ALPK2: variants seen among roughly 807,000 people sequenced by gnomAD.
ALPK2 encodes the protein alpha kinase 2.
Under a neutral mutation model 163.1 loss-of-function variants are expected in ALPK2, and 127 were observed. That is an observed-to-expected ratio of 0.78 (90% CI 0.67 to 0.90). The LOEUF is 0.90. Ranked by LOEUF, ALPK2 falls within the 40% of genes least tolerant of loss-of-function variation. The pLI, the probability that ALPK2 is intolerant of heterozygous loss-of-function variation, is 0.00. For missense variants in ALPK2, 2,360 were observed against 2,589.6 expected, an observed-to-expected ratio of 0.91 and a Z score of 1.92; for synonymous variants, 953 against 959.1, an observed-to-expected ratio of 0.99 and a Z score of 0.12.
intron 3 of ALPK2, among the ~76,000 whole-genome samples, chr18:58,600,092 A>G (rs1456142154): frequency 8.1e-6 from 1 of 123,232 alleles, no homozygotes; most frequent in Non-Finnish European, 1.6e-5. Context: ...GCTGGAGTGC[A>G]GTGGCATGAT....
chr18:58,508,857 G>A (rs974619298), intron 10 of ALPK2, among the ~76,000 whole-genome samples: 8 of 151,652 alleles, frequency 5.3e-5, no homozygotes, highest in East Asian at 1.9e-4. Flanking sequence ...ACCCCTTTCC[G>A]GTAACAGCTC....
intron 4 of ALPK2, among the ~76,000 whole-genome samples, chr18:58,576,413 A>C (rs528637895): frequency 3.3e-5 from 5 of 152,210 alleles, no homozygotes; most frequent in African/African-American, 1.2e-4. Context: ...ATTTATTGCT[A>C]TGACTACCAA....
intron 4 of ALPK2, among the ~76,000 whole-genome samples, chr18:58,548,764 G>A (rs1602212398): frequency 6.6e-6 from 1 of 152,136 alleles, no homozygotes; most frequent in Non-Finnish European, 1.5e-5. Flanking sequence ...TATTGAGATC[G>A]CTGAGAGGGA....
chr18:58,576,618 C>T (rs1419352381), intron 4 of ALPK2, among the ~76,000 whole-genome samples: 1 of 152,164 alleles, frequency 6.6e-6, no homozygotes, highest in Non-Finnish European at 1.5e-5. Context: ...TGATAGTTAG[C>T]CACTTGCTGT....
At chr18:58,612,753 C>T (rs4940731) in intron 1 of ALPK2, among the ~76,000 whole-genome samples, 84,435 of 152,118 alleles carry the variant, frequency 0.56, 24,265 homozygotes, top group East Asian at 0.87. Flanking sequence ...CTACCGCTAC[C>T]GGCAGATACA....
intron 1 of ALPK2, among the ~76,000 whole-genome samples, chr18:58,625,186 GA>G (rs200263154): frequency 0.011 from 1,496 of 137,854 alleles, 12 homozygotes; most frequent in South Asian, 0.043. Context: ...ACCCTCAGCT[GA>G]AAAAAAAAAA....
At chr18:58,497,250 TC>T (rs2051405365) in intron 12 of ALPK2, among the ~76,000 whole-genome samples, 1 of 152,142 alleles carries the variant, frequency 6.6e-6, no homozygotes, top group Non-Finnish European at 1.5e-5. Flanking sequence ...ATAGAAGCCA[TC>T]CCCTCCAAAA....
At chr18:58,567,357 C>T (rs1030620158) in intron 4 of ALPK2, among the ~76,000 whole-genome samples, 1 of 152,012 alleles carries the variant, frequency 6.6e-6, no homozygotes, top group East Asian at 1.9e-4. Context: ...GCAGTCCAGC[C>T]TGGGTGACAG....
chr18:58,623,680 G>A (rs1239682570), intron 1 of ALPK2, among the ~76,000 whole-genome samples: 1 of 152,160 alleles, frequency 6.6e-6, no homozygotes, highest in Non-Finnish European at 1.5e-5. Flanking sequence ...TGGCCAGGCT[G>A]GTCTCAAACT....
At position 58,537,618 on chromosome 18, in the gene ALPK2, C is replaced by T. The variant is rs946162579; in HGVS notation, c.2569G>A (p.Asp857Asn). The T allele has an allele frequency of 4.3e-6, 7 of 1,613,426 alleles. No individual in the cohort carries two copies. In the African/African-American group the frequency reaches 5.3e-5, roughly 12 times the overall value. Residue 857 changes from aspartate (D) to asparagine (N), a missense_variant, in exon 5 of 13, where the codon GAC becomes AAC. By Grantham distance (23) the Asp-to-Asn change is conservative. Coordinates refer to ENST00000361673, the MANE Select transcript of ALPK2 (RefSeq NM_052947.4). The part of the protein sequence containing the change: ...NKVSDLCSSN[D>N]KTLEVFFQTQ... ...TGAAAAAAGACTTCCAGTGTCTTGT[C>T]ATTAGAAGAACATAAATCAGATACT...
intron 5 of ALPK2, among the ~76,000 whole-genome samples, chr18:58,532,350 C>T (rs2051620661): frequency 6.6e-6 from 1 of 152,158 alleles, no homozygotes; most frequent in Non-Finnish European, 1.5e-5. Context: ...AGAGGTTGGC[C>T]GCCAGTGGCA....
At chr18:58,524,806 GA>G (rs2051575701) in intron 6 of ALPK2, among the ~76,000 whole-genome samples, 1 of 152,140 alleles carries the variant, frequency 6.6e-6, no homozygotes, top group Non-Finnish European at 1.5e-5. Flanking sequence ...CTGAGGCATA[GA>G]AAAATTTAAG....
intron 12 of ALPK2, among the ~76,000 whole-genome samples, chr18:58,488,704 G>T (rs1482863211): frequency 2.6e-5 from 4 of 151,940 alleles, no homozygotes; most frequent in African/African-American, 9.7e-5. Context: ...AAGTTTTAAC[G>T]CATAGGGAAA....
chr18:58,599,472 A>G (rs1027916196), intron 3 of ALPK2, among the ~76,000 whole-genome samples: 4 of 152,234 alleles, frequency 2.6e-5, no homozygotes, highest in African/African-American at 9.6e-5. Flanking sequence ...GCTCACAGGA[A>G]CATGAAGTTC....
At chr18:58,551,963 C>T (rs1023327642) in intron 4 of ALPK2, among the ~76,000 whole-genome samples, 1 of 152,094 alleles carries the variant, frequency 6.6e-6, no homozygotes, top group African/African-American at 2.4e-5. Flanking sequence ...AGTTTATGGT[C>T]AGATTTAGAC....
chr18:58,542,639 G>A (rs2051695534), intron 4 of ALPK2, among the ~76,000 whole-genome samples: 1 of 152,182 alleles, frequency 6.6e-6, no homozygotes, highest in African/African-American at 2.4e-5. Context: ...TACCAAGGAA[G>A]GACAAAGTTG....
chr18:58,502,134 CCACACACACACACACACACACACACACA>C (rs71173056), intron 11 of ALPK2, among the ~76,000 whole-genome samples: 3 of 118,778 alleles, frequency 2.5e-5, no homozygotes, highest in African/African-American at 1.0e-4. Flanking sequence ...AACCCCATCT[CCACACACACACACACACACACACACACA>C]CACACACACA....
At position 58,580,489 on chromosome 18, in the gene ALPK2, A is replaced by T; in HGVS notation, c.287T>A (p.Ile96Asn). Reference sequence around the variant, plus strand: ...AACCTCAACGGAAGCAGAACAACAGATCATTCCAAAAGAGTTTTTAGCCGA... The same window carrying T: ...AACCTCAACGGAAGCAGAACAACAGTTCATTCCAAAAGAGTTTTTAGCCGA... ...QISAKNSFGM[I>N]CCSASVEVEC... The change falls in exon 4 of 13, where the codon ATC (isoleucine) becomes AAC (asparagine). Residue 96 changes from isoleucine (I) to asparagine (N), a missense_variant. By Grantham distance (149) the Ile-to-Asn change is moderately radical (BLOSUM62 -3). Transcript: ENST00000361673. 1 of 1,614,204 alleles carries T rather than the reference A, an allele frequency of 6.2e-7. No individual in the cohort carries two copies. Among genetic ancestry groups the T allele is most frequent in the East Asian group, 2.2e-5 (1 of 44,886 alleles).
Position 58,516,967 on chromosome 18 carries a change from C to T in ALPK2, c.5881G>A (p.Ala1961Thr). The T allele has an allele frequency of 6.2e-7, 1 of 1,614,172 alleles. No homozygotes were observed. Among genetic ancestry groups the T allele is most frequent in the African/African-American group, 1.3e-5 (1 of 75,046 alleles). Residue 1961 changes from alanine to threonine, a missense_variant, in exon 9 of 13, where the codon GCC becomes ACC. By Grantham distance (58) the Ala-to-Thr change is moderately conservative (BLOSUM62 0). Coordinates refer to ENST00000361673, the MANE Select transcript of ALPK2 (RefSeq NM_052947.4). Reference protein sequence around the residue: ...ACVLKVHNAIAYGTRNNDELI... With the variant: ...ACVLKVHNAITYGTRNNDELI... ...TCATCATTATTTCTGGTCCCATAGG[C>T]AATGGCATTGTGCACCTTAAGCACA...
Sources: allele counts gnomAD v4.1 joint callset (sites outside exome capture counted in the v4.1 genomes callset), GRCh38; gene constraint gnomAD v4.1.1; transcripts MANE v1.5; gene names NCBI Gene and HGNC (gene_info 2026-07-23, HGNC 2026-07-21).